The following PRH1 variants were observed in gnomAD, a reference collection of about 807,000 sequenced individuals.
PRH1 encodes salivary acidic proline-rich phosphoprotein 1/2.
In PRH1, 7 loss-of-function variants were observed where a neutral mutation model predicts 7.9. That is an observed-to-expected ratio of 0.89 (90% confidence interval 0.50 to 1.67). PRH1 has a LOEUF of 1.67. PRH1 is among the 40% of genes most tolerant of loss of function. PRH1 has a pLI of 0.00. For synonymous variants in PRH1, 45 were observed against 80.8 expected (o/e 0.56, Z 2.38); for missense variants, 109 against 223.6 (o/e 0.49, Z 3.27).
At chr12:10,941,580 T>TTAG (rs199984877) in intron 2 of PRH1, among the ~76,000 whole-genome samples, 2,666 of 150,294 alleles carry the variant, frequency 0.018, 81 homozygotes, top group African/African-American at 0.062. Flanking sequence ...TTAAAATTTA[T>TTAG]TATTTATTAT....
In PRH1 at chr12:11,086,939, C is replaced by A. The variant is rs1454791246; in HGVS notation, n.124-39751G>T. On this transcript the variant is annotated intron_variant and non_coding_transcript_variant, in intron 1 of 4. Transcript: ENST00000541977. ...AAACACCACCACCACCAACAAAGGGCGATGAAAATACAACTGTCTTTGGTT... is the reference window on the plus strand; with the variant it reads ...AAACACCACCACCACCAACAAAGGGAGATGAAAATACAACTGTCTTTGGTT... 1.6e-4 allele frequency among the ~76,000 whole-genome samples: 11 copies of A among 68,538 alleles called. 4 individuals carry two copies. Among genetic ancestry groups the A allele is most frequent in the Non-Finnish European group, 3.9e-4 (10 of 25,938 alleles). The allele number at this position is 68,538 out of a possible 152,430, so 45.0% of individuals were successfully genotyped here.
At chr12:11,003,311 G>A (rs567455783) in intron 1 of PRH1, among the ~76,000 whole-genome samples, 1 of 151,620 alleles carries the variant, frequency 6.6e-6, no homozygotes, top group East Asian at 1.9e-4. Flanking sequence ...TCATTATTCG[G>A]GAACCTAACA....
At chr12:10,933,784 A>G (rs10492102) in intron 2 of PRH1, among the ~76,000 whole-genome samples, 36,464 of 151,998 alleles carry the variant, frequency 0.24, 4,441 homozygotes, top group Non-Finnish European at 0.26. Flanking sequence ...ATTATCTAAT[A>G]AAAAGGCACA....
At chr12:10,919,849 A>G (rs1950021606) in intron 2 of PRH1, among the ~76,000 whole-genome samples, 2 of 151,182 alleles carry the variant, frequency 1.3e-5, no homozygotes, top group Non-Finnish European at 2.9e-5. Flanking sequence ...TTTTTTAATA[A>G]TTTTTTTGAG....
chr12:10,997,215 T>C, intron 1 of PRH1: 1 of 1,614,132 alleles, frequency 6.2e-7, no homozygotes, highest in Non-Finnish European at 8.5e-7. Context: ...TGGATCTTGG[T>C]GCTGGGATCT....
At chr12:11,068,195 T>A (rs1943908334) in intron 1 of PRH1, among the ~76,000 whole-genome samples, 1 of 152,318 alleles carries the variant, frequency 6.6e-6, no homozygotes, top group Non-Finnish European at 1.5e-5. Context: ...TTGCTGATAT[T>A]TCCCGTTTAT....
intron 1 of PRH1, among the ~76,000 whole-genome samples, chr12:11,161,148 T>C (rs577714466): frequency 6.7e-6 from 1 of 149,082 alleles, no homozygotes; most frequent in Admixed American, 6.8e-5. Context: ...CTGCCTGGAA[T>C]AAGGTGACCC....
chr12:11,068,055 T>A (rs1196616471), intron 1 of PRH1, among the ~76,000 whole-genome samples: 1 of 151,612 alleles, frequency 6.6e-6, no homozygotes, highest in East Asian at 1.9e-4. Context: ...GGAGCATAAC[T>A]TACATATGGA....
chr12:10,934,186 C>T (rs1189133015), intron 2 of PRH1, among the ~76,000 whole-genome samples: 8 of 152,106 alleles, frequency 5.3e-5, no homozygotes, highest in African/African-American at 1.7e-4. Flanking sequence ...GTTATTTCCA[C>T]TTCTGATTTT....
intron 1 of PRH1, among the ~76,000 whole-genome samples, chr12:11,045,888 T>C (rs969442893): frequency 2.6e-5 from 4 of 152,124 alleles, no homozygotes; most frequent in African/African-American, 7.2e-5. Flanking sequence ...TCAAAGGTTA[T>C]ATAATAAATA....
At position 11,044,324 on chromosome 12, in the gene PRH1, A is replaced by G. The variant is rs150285249; in HGVS notation, c.-126+2696T>C. ...AGATGTATCTTTAAGACCTCAAACC[A>G]TGAAGCTCCCATAAGAAAACTTCAG... On this transcript the variant is annotated intron_variant, in intron 1 of 3. Coordinates refer to the PRH1 transcript ENST00000539853. 1.1e-3 allele frequency among the ~76,000 whole-genome samples: 163 copies of G among 152,274 alleles called. 4 individuals carry two copies. The East Asian group carries it at 0.023, about 22-fold the overall frequency.
intron 1 of PRH1, among the ~76,000 whole-genome samples, chr12:11,110,467 T>A (rs1176884102): frequency 1.3e-5 from 2 of 152,186 alleles, no homozygotes; most frequent in Non-Finnish European, 2.9e-5. Flanking sequence ...ACAGCAGATC[T>A]CCTGGCAGAA....
chr12:11,168,474 A>C (rs1947708057), intron 1 of PRH1, among the ~76,000 whole-genome samples: 1 of 151,990 alleles, frequency 6.6e-6, no homozygotes, highest in Non-Finnish European at 1.5e-5. Context: ...AAAATTAAAG[A>C]GTTTTTATGT....
At chr12:10,966,493 T>C (rs1233998987) in intron 2 of PRH1, among the ~76,000 whole-genome samples, 4 of 152,136 alleles carry the variant, frequency 2.6e-5, no homozygotes, top group Non-Finnish European at 5.9e-5. Context: ...AGAAGGAGAA[T>C]GAGAAAATAA....
At chr12:10,978,180 C>T (rs1365277026) in intron 1 of PRH1, among the ~76,000 whole-genome samples, 2 of 151,722 alleles carry the variant, frequency 1.3e-5, no homozygotes, top group East Asian at 3.9e-4. Flanking sequence ...TGCAAGGCAA[C>T]AGTAACCAAA....
At chr12:11,145,490 G>C (rs1419986851) in intron 1 of PRH1, among the ~76,000 whole-genome samples, 3 of 152,080 alleles carry the variant, frequency 2.0e-5, no homozygotes, top group African/African-American at 7.2e-5. Flanking sequence ...ACCATACCCA[G>C]TCTACATGTT....
rs74062448 is a variant in PRH1 at position 11,153,453 on chromosome 12, G to A, written n.39+17969C>T. 7.3e-3 allele frequency among the ~76,000 whole-genome samples: 1,106 copies of A among 152,260 alleles called. 15 individuals carry two copies. The highest frequency in any genetic ancestry group is 0.025 in the African/African-American group (1,051 of 41,554). Reference sequence around the variant, plus strand: ...CAGGAAATTTGCTAAAAAAGAAATAGGAACTTAAAAATTGGGGTGGGCCTG... The same window carrying A: ...CAGGAAATTTGCTAAAAAAGAAATAAGAACTTAAAAATTGGGGTGGGCCTG... On this transcript the variant is annotated intron_variant and non_coding_transcript_variant, in intron 1 of 1. Coordinates refer to the PRH1 transcript ENST00000541175.
intron 1 of PRH1, among the ~76,000 whole-genome samples, chr12:11,071,733 G>A (rs1374522396): frequency 4.6e-5 from 7 of 152,182 alleles, no homozygotes; most frequent in African/African-American, 1.7e-4. Context: ...TAAGTGGCCC[G>A]GATGCTCGGC....
chr12:10,921,554 GA>G (rs950812307), intron 2 of PRH1, among the ~76,000 whole-genome samples: 5 of 151,880 alleles, frequency 3.3e-5, no homozygotes, highest in Non-Finnish European at 5.9e-5. Flanking sequence ...TCAGACTTTT[GA>G]ATTTCCTAAT....
Sources: gnomAD v4.1 joint callset for allele counts (sites outside exome capture counted in the v4.1 genomes callset) on GRCh38, gnomAD v4.1.1 for gene constraint, MANE v1.5 for transcripts, NCBI Gene and HGNC (gene_info 2026-07-23, HGNC 2026-07-21) for gene names.